MDFIC2: variants seen among roughly 807,000 people sequenced by gnomAD.
The protein encoded by MDFIC2 is MyoD family inhibitor domain containing 2, also known as myoD family inhibitor domain-containing protein 2.
At chr3:70,265,170 C>A (rs1701904661) in intron 2 of MDFIC2, among the ~76,000 whole-genome samples, 1 of 152,144 alleles carries the variant, frequency 6.6e-6, no homozygotes, top group Admixed American at 6.5e-5. Context: ...GGTGGGGACA[C>A]AGCCAAACCA....
chr3:70,216,815 G>A (rs1232752992), intron 2 of MDFIC2, among the ~76,000 whole-genome samples: 2 of 152,118 alleles, frequency 1.3e-5, no homozygotes, highest in Non-Finnish European at 2.9e-5. Flanking sequence ...ATTTGGCAAT[G>A]TCTGGAGATA....
intron 2 of MDFIC2, among the ~76,000 whole-genome samples, chr3:70,288,422 G>T (rs933151820): frequency 1.8e-4 from 27 of 150,004 alleles, no homozygotes; most frequent in African/African-American, 6.2e-4. Context: ...TGGTCTGAGA[G>T]ATAGTTTGTT....
At chr3:70,288,921 C>T (rs1365086858) in intron 2 of MDFIC2, among the ~76,000 whole-genome samples, 1 of 151,830 alleles carries the variant, frequency 6.6e-6, no homozygotes, top group East Asian at 1.9e-4. Flanking sequence ...GGTAGATCTT[C>T]CTCCATCCTT....
chr3:70,258,069 T>C (rs987074475), intron 2 of MDFIC2, among the ~76,000 whole-genome samples: 1 of 152,190 alleles, frequency 6.6e-6, no homozygotes, highest in Non-Finnish European at 1.5e-5. Flanking sequence ...GAAGAACATC[T>C]GGATATTCAT....
At chr3:70,299,730 G>A (rs1403076) in intron 2 of MDFIC2, among the ~76,000 whole-genome samples, 31,596 of 151,988 alleles carry the variant, frequency 0.21, 3,486 homozygotes, top group South Asian at 0.28. Flanking sequence ...GTCCATCTTC[G>A]TAATATCCTC....
chr3:70,306,399 C>T (rs1459553173), intron 2 of MDFIC2, among the ~76,000 whole-genome samples: 1 of 152,174 alleles, frequency 6.6e-6, no homozygotes, highest in East Asian at 1.9e-4. Context: ...GCATGAGCTA[C>T]CTCACCCGGC....
intron 2 of MDFIC2, among the ~76,000 whole-genome samples, chr3:70,239,162 T>A (rs1450042907): frequency 2.0e-5 from 3 of 152,168 alleles, no homozygotes; most frequent in Admixed American, 6.5e-5. Context: ...TAGTGAAAAG[T>A]GGGGCTAGGA....
intron 2 of MDFIC2, chr3:70,272,398 C>T (rs1357903885): frequency 6.6e-6 from 1 of 152,166 alleles, no homozygotes; most frequent in African/African-American, 2.4e-5. Context: ...TTCTTTCGCT[C>T]AATATAATGC....
chr3:70,290,380 G>C (rs561356214), intron 2 of MDFIC2, among the ~76,000 whole-genome samples: 96 of 152,328 alleles, frequency 6.3e-4, no homozygotes, highest in African/African-American at 2.2e-3. Context: ...TCGGGGGCCA[G>C]GGGTCAGGGA....
At chr3:70,284,756 G>A (rs1418034129) in intron 2 of MDFIC2, among the ~76,000 whole-genome samples, 1 of 152,112 alleles carries the variant, frequency 6.6e-6, no homozygotes, top group Non-Finnish European at 1.5e-5. Context: ...AGGGTGAAGG[G>A]TAGGAGGAGA....
chr3:70,311,789 G>A (rs1702455771), intron 2 of MDFIC2, 97 bp downstream of exon 2: 3 of 390,068 alleles, frequency 7.7e-6, no homozygotes, highest in East Asian at 3.6e-5. Flanking sequence ...CTATTTGAAC[G>A]GTCAGGACAA....
At chr3:70,294,072 A>T (rs990027240) in intron 2 of MDFIC2, among the ~76,000 whole-genome samples, 5 of 152,116 alleles carry the variant, frequency 3.3e-5, no homozygotes, top group Non-Finnish European at 7.4e-5. Flanking sequence ...CTTTATAAAG[A>T]CATGGCCATG....
chr3:70,308,555 A>G (rs755473938), intron 2 of MDFIC2, among the ~76,000 whole-genome samples: 2 of 152,170 alleles, frequency 1.3e-5, no homozygotes, highest in Non-Finnish European at 2.9e-5. Flanking sequence ...GAACAGGCCC[A>G]TGACCCATTT....
chr3:70,279,193 G>A (rs1702056833), intron 2 of MDFIC2, among the ~76,000 whole-genome samples: 1 of 151,454 alleles, frequency 6.6e-6, no homozygotes. Flanking sequence ...CAAGTGCACT[G>A]TGATAAATGC....
chr3:70,281,390 C>G (rs1702081613), intron 2 of MDFIC2, among the ~76,000 whole-genome samples: 1 of 152,142 alleles, frequency 6.6e-6, no homozygotes, highest in African/African-American at 2.4e-5. Flanking sequence ...CGATCATAAG[C>G]TTCAGAATTA....
intron 2 of MDFIC2, among the ~76,000 whole-genome samples, chr3:70,207,355 C>G (rs1701302732): frequency 6.6e-6 from 1 of 152,080 alleles, no homozygotes; most frequent in Admixed American, 6.6e-5. Flanking sequence ...ATTTAAGTTC[C>G]TATTCAGGTG....
At chr3:70,200,016 C>A (rs996445866) in intron 3 of MDFIC2, among the ~76,000 whole-genome samples, 1 of 152,138 alleles carries the variant, frequency 6.6e-6, no homozygotes, top group Non-Finnish European at 1.5e-5. Flanking sequence ...CAGATGAATT[C>A]GGCAGAAACC....
At chr3:70,286,802 T>A (rs1243261501) in intron 2 of MDFIC2, among the ~76,000 whole-genome samples, 1 of 152,196 alleles carries the variant, frequency 6.6e-6, no homozygotes, top group Non-Finnish European at 1.5e-5. Flanking sequence ...TTCCTAGGTA[T>A]TTTATTCTCT....
chr3:70,220,258 A>T (rs1241587229), intron 2 of MDFIC2, among the ~76,000 whole-genome samples: 1 of 152,062 alleles, frequency 6.6e-6, no homozygotes, highest in African/African-American at 2.4e-5. Flanking sequence ...AGAAGAAAAT[A>T]TGCCGCATTA....
Sources: gnomAD v4.1 joint callset for allele counts (sites outside exome capture counted in the v4.1 genomes callset) on GRCh38, gnomAD v4.1.1 for gene constraint, MANE v1.5 for transcripts, NCBI Gene and HGNC (gene_info 2026-07-23, HGNC 2026-07-21) for gene names.